The following PDE4D variants were observed in gnomAD, a reference collection of about 807,000 sequenced individuals.
The protein encoded by PDE4D is phosphodiesterase 4D.
PDE4D carries 24 observed loss-of-function variants against 87.4 expected under a neutral mutation model. The ratio of observed to expected loss-of-function variants is 0.27; its 90% CI spans 0.20 to 0.39. The LOEUF (loss-of-function observed/expected upper bound fraction) is 0.39. Among genes scored for constraint, PDE4D ranks in the 10% least tolerant of loss-of-function variants. PDE4D has a pLI of 1.00. For missense variants in PDE4D, 714 were observed against 1,041.0 expected (o/e 0.69, Z 4.32); for synonymous variants, 384 against 383.2 (o/e 1.00, Z -0.02).
At chr5:60,138,932 T>G (rs539013457) in intron 2 of PDE4D, among the ~76,000 whole-genome samples, 1 of 152,192 alleles carries the variant, frequency 6.6e-6, no homozygotes, top group South Asian at 2.1e-4. Flanking sequence ...AAGGGCTGTT[T>G]GGTTTTTTGG....
chr5:60,041,673 A>G (rs1406694991), intron 2 of PDE4D, among the ~76,000 whole-genome samples: 1 of 152,186 alleles, frequency 6.6e-6, no homozygotes, highest in African/African-American at 2.4e-5. Context: ...AGGGTTGGGC[A>G]TCAACTCACC....
upstream of PDE4D, among the ~76,000 whole-genome samples, chr5:60,492,441 G>GA (rs1019079290): frequency 1.3e-5 from 2 of 151,718 alleles, no homozygotes; most frequent in African/African-American, 4.8e-5. Flanking sequence ...CTGTCTCAAA[G>GA]AAAAAATTGA....
At chr5:60,515,906 C>T (rs763527951) in intron 1 of PDE4D, among the ~76,000 whole-genome samples, 74 of 152,252 alleles carry the variant, frequency 4.9e-4, no homozygotes, top group Non-Finnish European at 9.3e-4. Flanking sequence ...TACATACATA[C>T]ATATAAATAA....
At chr5:60,515,618 T>TTTG (rs1449051827) in intron 1 of PDE4D, among the ~76,000 whole-genome samples, 2 of 149,504 alleles carry the variant, frequency 1.3e-5, no homozygotes, top group Non-Finnish European at 3.0e-5. Flanking sequence ...TTTTTTTTTT[T>TTTG]TCTGTCAGGA....
intron 1 of PDE4D, among the ~76,000 whole-genome samples, chr5:59,660,694 G>T (rs1274244095): frequency 2.0e-5 from 3 of 152,050 alleles, no homozygotes; most frequent in African/African-American, 4.8e-5. Flanking sequence ...GAACTAAAAG[G>T]CTACTTTACA....
At chr5:60,165,941 G>A (rs1159490976) in intron 2 of PDE4D, among the ~76,000 whole-genome samples, 1 of 151,858 alleles carries the variant, frequency 6.6e-6, no homozygotes, top group African/African-American at 2.4e-5. Flanking sequence ...GTTTTGTAGA[G>A]TCTTTGTTTA....
At chr5:59,400,379 T>A (rs1010812097) in intron 1 of PDE4D, among the ~76,000 whole-genome samples, 2 of 143,098 alleles carry the variant, frequency 1.4e-5, no homozygotes, top group African/African-American at 2.7e-5. Flanking sequence ...GTGGCACATA[T>A]GCACCATGGA....
At chr5:59,517,686 G>C (rs1431118026) in intron 1 of PDE4D, among the ~76,000 whole-genome samples, 1 of 152,144 alleles carries the variant, frequency 6.6e-6, no homozygotes, top group Non-Finnish European at 1.5e-5. Flanking sequence ...TATTTCATAG[G>C]GTTGTAGCAG....
intron 5 of PDE4D, among the ~76,000 whole-genome samples, chr5:59,109,231 T>C (rs1244550037): frequency 6.6e-6 from 1 of 152,132 alleles, no homozygotes. Context: ...GTATGTGCCA[T>C]ACATTGTTCT....
chr5:59,869,733 A>C (rs1227237599), intron 1 of PDE4D, among the ~76,000 whole-genome samples: 2 of 152,150 alleles, frequency 1.3e-5, no homozygotes, highest in East Asian at 3.9e-4. Context: ...AGTGGAATAT[A>C]ACATTTCAGG....
intron 1 of PDE4D, among the ~76,000 whole-genome samples, chr5:59,800,684 T>C (rs568523862): frequency 6.6e-6 from 1 of 150,726 alleles, no homozygotes; most frequent in African/African-American, 2.4e-5. Flanking sequence ...CTGGCATAGC[T>C]GGAGGAGTAG....
intron 1 of PDE4D, among the ~76,000 whole-genome samples, chr5:59,238,042 A>T (rs1354528857): frequency 6.6e-6 from 1 of 152,126 alleles, no homozygotes; most frequent in Non-Finnish European, 1.5e-5. Context: ...CTATATGATG[A>T]TAGTTAAGAA....
intron 1 of PDE4D, among the ~76,000 whole-genome samples, chr5:60,193,762 GT>G (rs1487762179): frequency 6.7e-6 from 1 of 149,548 alleles, no homozygotes; most frequent in Non-Finnish European, 1.5e-5. Context: ...AAAATAGTAA[GT>G]TAACAATAGG....
chr5:59,148,114 T>G (rs1206477509), intron 5 of PDE4D, among the ~76,000 whole-genome samples: 1 of 152,142 alleles, frequency 6.6e-6, no homozygotes, highest in African/African-American at 2.4e-5. Flanking sequence ...GTGACATAGT[T>G]ATGTCACTAA....
intron 1 of PDE4D, among the ~76,000 whole-genome samples, chr5:59,439,743 C>T (rs911186518): frequency 7.2e-5 from 11 of 152,176 alleles, no homozygotes; most frequent in African/African-American, 2.6e-4. Context: ...TGCTTTGCTG[C>T]CATGGAGCCC....
At chr5:59,460,432 T>C (rs1246876983) in intron 1 of PDE4D, among the ~76,000 whole-genome samples, 1 of 152,192 alleles carries the variant, frequency 6.6e-6, no homozygotes, top group Non-Finnish European at 1.5e-5. Flanking sequence ...ATTAAACAGT[T>C]GTCACCCAAC....
chr5:59,155,242 A>G (rs1457597224), intron 5 of PDE4D, among the ~76,000 whole-genome samples: 1 of 152,238 alleles, frequency 6.6e-6, no homozygotes, highest in Non-Finnish European at 1.5e-5. Context: ...ACTCACATTT[A>G]AGAGGTAAAG....
intron 1 of PDE4D, among the ~76,000 whole-genome samples, chr5:59,827,106 ATTTTGATTGCCT>A (rs1770419982): frequency 6.6e-6 from 1 of 152,096 alleles, no homozygotes; most frequent in South Asian, 2.1e-4. Context: ...CAGATAAAAA[ATTTTGATTGCCT>A]CTATAGTCAT....
At chr5:59,914,705 C>G (rs148039011) in intron 3 of PDE4D, among the ~76,000 whole-genome samples, 1 of 151,780 alleles carries the variant, frequency 6.6e-6, no homozygotes, top group Non-Finnish European at 1.5e-5. Flanking sequence ...CTCTGGCTGC[C>G]ATGTTGAAAA....
Sources: gnomAD v4.1 joint callset for allele counts (sites outside exome capture counted in the v4.1 genomes callset) on GRCh38, gnomAD v4.1.1 for gene constraint, MANE v1.5 for transcripts, NCBI Gene and HGNC (gene_info 2026-07-23, HGNC 2026-07-21) for gene names.